The following ITGA1 variants were observed in gnomAD, a reference collection of about 807,000 sequenced individuals.
ITGA1 encodes integrin alpha-1.
Under a neutral mutation model 145.9 loss-of-function variants are expected in ITGA1, and 85 were observed. The ratio of observed to expected loss-of-function variants is 0.58; its 90% CI spans 0.49 to 0.70. The LOEUF is 0.70. Ranked by LOEUF, ITGA1 falls within the 30% of genes least tolerant of loss-of-function variation. ITGA1 has a pLI of 0.00. For synonymous variants in ITGA1, 520 were observed against 495.3 expected (o/e 1.05, Z -0.66); for missense variants, 1,351 against 1,418.7 (o/e 0.95, Z 0.77).
intron 15 of ITGA1, among the ~76,000 whole-genome samples, chr5:52,916,868 G>C (rs1339523300): frequency 6.6e-6 from 1 of 152,138 alleles, no homozygotes; most frequent in East Asian, 1.9e-4. Flanking sequence ...TGTTTTCAGG[G>C]TTTTTATGCT....
At chr5:52,811,852 C>T (rs911149844) in intron 1 of ITGA1, among the ~76,000 whole-genome samples, 2 of 152,178 alleles carry the variant, frequency 1.3e-5, no homozygotes, top group Non-Finnish European at 2.9e-5. Flanking sequence ...TACTGGAATG[C>T]TCTTTCCATT....
At chr5:52,909,377 A>G (rs1750463418) in intron 13 of ITGA1, among the ~76,000 whole-genome samples, 1 of 152,088 alleles carries the variant, frequency 6.6e-6, no homozygotes, top group East Asian at 1.9e-4. Flanking sequence ...GATAGATAAT[A>G]ACCTCAGCAG....
rs554465388 is a variant in ITGA1, at chr5:52,844,451, A to G, written c.62-4914A>G. On this transcript the variant is annotated intron_variant, in intron 1 of 28. Coordinates refer to ENST00000282588, the MANE Select transcript of ITGA1 (RefSeq NM_181501.2). Reference sequence around the variant, plus strand: ...TTCTAGTTTTAGGACTAAGATGTAAAAATTGAATTAATATGAATAGTGGTT... The same window carrying G: ...TTCTAGTTTTAGGACTAAGATGTAAGAATTGAATTAATATGAATAGTGGTT... Among the ~76,000 whole-genome samples, 254 of 152,318 alleles carry G rather than the reference A, an allele frequency of 1.7e-3. 1 individual carries two copies. Among genetic ancestry groups the G allele is most frequent in the African/African-American group, 5.3e-3 (221 of 41,574 alleles).
At chr5:52,883,382 C>T (rs1482107788) in intron 7 of ITGA1, among the ~76,000 whole-genome samples, 1 of 152,148 alleles carries the variant, frequency 6.6e-6, no homozygotes, top group African/African-American at 2.4e-5. Flanking sequence ...TACCATGTCC[C>T]TATGTGTTTT....
intron 23 of ITGA1, among the ~76,000 whole-genome samples, chr5:52,934,411 A>G (rs72756602): frequency 0.012 from 1,865 of 151,928 alleles, 24 homozygotes; most frequent in Non-Finnish European, 0.02. Context: ...AATTATGACT[A>G]TATCAGAAAT....
At chr5:52,950,546 A>G (rs1157146499) in intron 28 of ITGA1, among the ~76,000 whole-genome samples, 2 of 152,172 alleles carry the variant, frequency 1.3e-5, no homozygotes, top group Non-Finnish European at 2.9e-5. Flanking sequence ...CAGTGCTGCA[A>G]AGAAAGTGTT....
intron 2 of ITGA1, among the ~76,000 whole-genome samples, chr5:52,860,365 G>A (rs1410445330): frequency 6.6e-6 from 1 of 152,024 alleles, no homozygotes; most frequent in Non-Finnish European, 1.5e-5. Flanking sequence ...GGCCAACATG[G>A]TGAAACCCTG....
intron 8 of ITGA1, among the ~76,000 whole-genome samples, chr5:52,888,554 C>A (rs1436642682): frequency 6.6e-6 from 1 of 152,198 alleles, no homozygotes; most frequent in African/African-American, 2.4e-5. Context: ...GCGAAGTAGA[C>A]AGGAATTGAA....
chr5:52,800,560 G>A, intron 1 of ITGA1: 2 of 1,613,784 alleles, frequency 1.2e-6, no homozygotes, highest in Non-Finnish European at 1.7e-6. Flanking sequence ...CACGGGCAGC[G>A]TGGGCAGCAA....
intron 1 of ITGA1, among the ~76,000 whole-genome samples, chr5:52,807,260 G>T (rs1308870783): frequency 7.9e-5 from 12 of 152,102 alleles, no homozygotes; most frequent in African/African-American, 2.9e-4. Flanking sequence ...GCCCAGGGTT[G>T]GTACCACTGT....
chr5:52,838,880 C>G lies in ITGA1; in HGVS notation c.62-10485C>G, dbSNP rs919087424. On this transcript the variant is annotated intron_variant, in intron 1 of 28. Coordinates refer to ENST00000282588, the MANE Select transcript of ITGA1 (RefSeq NM_181501.2). ...AGGAGGCCGAGGCAGGCGGATCACT[C>G]GAGCCCAGGAGTTCAAAACCAGTCT... 2.0e-5 allele frequency among the ~76,000 whole-genome samples: 3 copies of G among 152,066 alleles called. No homozygotes were observed. In the South Asian group the frequency reaches 6.2e-4, roughly 32 times the overall value.
intron 1 of ITGA1, among the ~76,000 whole-genome samples, chr5:52,816,556 G>A (rs534806464): frequency 1.3e-4 from 20 of 152,224 alleles, no homozygotes; most frequent in African/African-American, 4.1e-4. Context: ...TGGACATTTT[G>A]TTAGTTAAGA....
At chr5:52,905,057 T>C (rs1481434577) in intron 11 of ITGA1, 2 of 152,128 alleles carry the variant, frequency 1.3e-5, no homozygotes, top group Non-Finnish European at 2.9e-5. Context: ...TGGCGGTTCA[T>C]AGAACAAAGT....
Position 52,856,680 on chromosome 5 carries a change from C to CAGAG in ITGA1, c.183-4737_183-4734dup, listed in dbSNP as rs137879951. Among the ~76,000 whole-genome samples the CAGAG allele has an allele frequency of 2.0e-3, 302 of 148,304 alleles. 2 individuals carry two copies. The highest frequency in any genetic ancestry group is 2.6e-3 in the South Asian group (12 of 4,614). ...TTATTTTCCAAAGAAGAAAAAGAGA[C>CAGAG]AGAGAGAGAGAGAGAGAGAGAGAGA... On this transcript the variant is annotated intron_variant, in intron 2 of 28. Transcript: ENST00000282588.
chr5:52,794,544 C>T (rs1453349619), intron 1 of ITGA1, among the ~76,000 whole-genome samples: 1 of 141,516 alleles, frequency 7.1e-6, no homozygotes, highest in East Asian at 2.0e-4. Context: ...CACTTCTGTT[C>T]ATAGGATTTT....
chr5:52,916,007 C>T (rs1023488260), intron 15 of ITGA1, among the ~76,000 whole-genome samples: 1 of 152,254 alleles, frequency 6.6e-6, no homozygotes, highest in East Asian at 1.9e-4. Context: ...CTCTCTGACT[C>T]TGTTTATATT....
chr5:52,907,749 C>T (rs1750434253), intron 12 of ITGA1, among the ~76,000 whole-genome samples: 2 of 152,240 alleles, frequency 1.3e-5, no homozygotes, highest in South Asian at 4.1e-4. Flanking sequence ...GTGGTGGGAA[C>T]CATGGCCCTG....
intron 1 of ITGA1, among the ~76,000 whole-genome samples, chr5:52,847,665 G>C (rs1183106568): frequency 3.9e-5 from 6 of 152,198 alleles, no homozygotes; most frequent in African/African-American, 1.4e-4. Context: ...CGGTGCCCCT[G>C]CCTCAGCCTC....
At chr5:52,903,051 C>CTAG in intron 11 of ITGA1, 1 of 152,258 alleles carries the variant, frequency 6.6e-6, no homozygotes, top group South Asian at 2.1e-4. Context: ...CTGGTAGTTA[C>CTAG]TGTCCCTGAG....
Sources: allele counts gnomAD v4.1 joint callset (sites outside exome capture counted in the v4.1 genomes callset), GRCh38; gene constraint gnomAD v4.1.1; transcripts MANE v1.5; gene names NCBI Gene and HGNC (gene_info 2026-07-23, HGNC 2026-07-21).